VAV3: variants seen among roughly 807,000 people sequenced by gnomAD.
The protein encoded by VAV3 is guanine nucleotide exchange factor VAV3.
In VAV3, 94 loss-of-function variants were observed where a neutral mutation model predicts 131.2. That is an observed-to-expected ratio of 0.72 (90% CI 0.61 to 0.85). VAV3 has a LOEUF of 0.85. Among genes scored for constraint, VAV3 ranks in the 40% least tolerant of loss-of-function variants. VAV3 has a pLI of 0.00. For synonymous variants in VAV3, 349 were observed against 342.0 expected (o/e 1.02, Z -0.22); for missense variants, 939 against 1,002.7 (o/e 0.94, Z 0.86).
At chr1:107,586,635 C>T (rs115904190) in intron 25 of VAV3, among the ~76,000 whole-genome samples, 1,924 of 151,792 alleles carry the variant, frequency 0.013, 45 homozygotes, top group African/African-American at 0.044. Flanking sequence ...GGGAAATTGA[C>T]AACCATTTAC....
At chr1:107,743,462 T>C (rs1663142788) in intron 15 of VAV3, among the ~76,000 whole-genome samples, 1 of 152,194 alleles carries the variant, frequency 6.6e-6, no homozygotes, top group African/African-American at 2.4e-5. Flanking sequence ...AAGGAAGAGA[T>C]GATTTGAATA....
chr1:107,625,577 T>A (rs1468413203), intron 20 of VAV3, among the ~76,000 whole-genome samples: 1 of 152,176 alleles, frequency 6.6e-6, no homozygotes, highest in African/African-American at 2.4e-5. Flanking sequence ...AGTAATTTAA[T>A]CTGATAGCAT....
At chr1:107,712,970 C>T (rs1325113287) in intron 15 of VAV3, among the ~76,000 whole-genome samples, 1 of 152,140 alleles carries the variant, frequency 6.6e-6, no homozygotes, top group African/African-American at 2.4e-5. Flanking sequence ...GGAAAAACAG[C>T]AGGCTTAAAT....
chr1:107,778,932 T>C (rs1665527742), intron 3 of VAV3, among the ~76,000 whole-genome samples: 1 of 152,200 alleles, frequency 6.6e-6, no homozygotes, highest in African/African-American at 2.4e-5. Flanking sequence ...GGAGATGACA[T>C]ACTATATTTA....
intron 2 of VAV3, among the ~76,000 whole-genome samples, chr1:107,783,240 A>G (rs2102240875): frequency 6.6e-6 from 1 of 152,282 alleles, no homozygotes; most frequent in South Asian, 2.1e-4. Flanking sequence ...TGTGGAAAGG[A>G]CAATCACAGG....
At chr1:107,884,155 G>T (rs1014741637) in intron 1 of VAV3, among the ~76,000 whole-genome samples, 1 of 150,018 alleles carries the variant, frequency 6.7e-6, no homozygotes, top group Non-Finnish European at 1.5e-5. Flanking sequence ...AAAAAAAAAA[G>T]TTAAAAAGAA....
intron 9 of VAV3, among the ~76,000 whole-genome samples, chr1:107,762,098 C>T (rs951710307): frequency 1.4e-5 from 2 of 141,318 alleles, no homozygotes; most frequent in African/African-American, 5.3e-5. Flanking sequence ...CTGTTTCTCA[C>T]GTAACTATGG....
At chr1:107,694,840 T>C (rs1659650658) in intron 17 of VAV3, among the ~76,000 whole-genome samples, 1 of 152,190 alleles carries the variant, frequency 6.6e-6, no homozygotes, top group South Asian at 2.1e-4. Flanking sequence ...GTTCCTATCA[T>C]TGAGAGGGCT....
chr1:107,847,745 C>T (rs1192842441), intron 2 of VAV3, among the ~76,000 whole-genome samples: 1 of 152,048 alleles, frequency 6.6e-6, no homozygotes, highest in African/African-American at 2.4e-5. Context: ...CTGCATAGAC[C>T]AATAACAAGT....
intron 2 of VAV3, among the ~76,000 whole-genome samples, chr1:107,783,786 C>T (rs1248107869): frequency 2.0e-5 from 3 of 151,914 alleles, no homozygotes; most frequent in East Asian, 1.9e-4. Flanking sequence ...TGGTGGCTCA[C>T]GCCTGTAATC....
At chr1:107,883,097 G>A (rs941611560) in intron 1 of VAV3, among the ~76,000 whole-genome samples, 14 of 151,938 alleles carry the variant, frequency 9.2e-5, no homozygotes, top group Non-Finnish European at 1.3e-4. Flanking sequence ...TAAGTCATTC[G>A]TTCAAAAATA....
intron 2 of VAV3, among the ~76,000 whole-genome samples, chr1:107,804,419 T>A (rs1666965952): frequency 6.6e-6 from 1 of 152,178 alleles, no homozygotes; most frequent in East Asian, 1.9e-4. Flanking sequence ...GGTTTTAACA[T>A]GTAGGTTACC....
intron 21 of VAV3, among the ~76,000 whole-genome samples, chr1:107,614,686 C>G (rs967043073): frequency 2.0e-5 from 3 of 152,108 alleles, no homozygotes; most frequent in Non-Finnish European, 4.4e-5. Flanking sequence ...TAATTAGTAT[C>G]TACCATTGCT....
At chr1:107,933,814 C>CA (rs11383512) in intron 1 of VAV3, among the ~76,000 whole-genome samples, 29,336 of 119,172 alleles carry the variant, frequency 0.25, 3,728 homozygotes, top group South Asian at 0.38. Context: ...AGACCCTTCT[C>CA]AAAAAAAAAA....
intron 1 of VAV3, among the ~76,000 whole-genome samples, chr1:107,890,780 C>T (rs1671274396): frequency 6.6e-6 from 1 of 152,166 alleles, no homozygotes; most frequent in Non-Finnish European, 1.5e-5. Context: ...TGCAAATCTG[C>T]ACCAAACTTA....
chr1:107,823,953 C>A (rs1667905218), intron 2 of VAV3, among the ~76,000 whole-genome samples: 1 of 152,172 alleles, frequency 6.6e-6, no homozygotes, highest in Non-Finnish European at 1.5e-5. Context: ...GCCTCCAGAG[C>A]TGTGAGAAAA....
chr1:107,638,886 A>T (rs544440904), intron 20 of VAV3, among the ~76,000 whole-genome samples: 3 of 152,270 alleles, frequency 2.0e-5, no homozygotes, highest in African/African-American at 7.2e-5. Context: ...ATACATATAT[A>T]TGAAGATATA....
At chr1:107,900,091 A>C (rs1483213037) in intron 1 of VAV3, among the ~76,000 whole-genome samples, 1 of 152,216 alleles carries the variant, frequency 6.6e-6, no homozygotes, top group African/African-American at 2.4e-5. Flanking sequence ...TCAATCCTGC[A>C]CTAAACACAT....
At chr1:107,920,164 G>C (rs1160235831) in intron 1 of VAV3, among the ~76,000 whole-genome samples, 2 of 152,192 alleles carry the variant, frequency 1.3e-5, no homozygotes, top group African/African-American at 4.8e-5. Context: ...AACTCACTGA[G>C]AAGGGAATGT....
Sources: allele counts gnomAD v4.1 joint callset (sites outside exome capture counted in the v4.1 genomes callset), GRCh38; gene constraint gnomAD v4.1.1; transcripts MANE v1.5; gene names NCBI Gene and HGNC (gene_info 2026-07-23, HGNC 2026-07-21).